Variants in PACRG observed in about 807,000 individuals in gnomAD.
The protein encoded by PACRG is parkin coregulated gene protein.
Under a neutral mutation model 29.7 loss-of-function variants are expected in PACRG, and 29 were observed. The observed-to-expected ratio is 0.98, with a 90% CI of 0.73 to 1.33. PACRG has a LOEUF of 1.33. Among genes scored for constraint, PACRG ranks in the 40% most tolerant of loss-of-function variants. The pLI is 0.00. For missense variants in PACRG, 279 were observed against 316.2 expected (o/e 0.88, Z 0.89); for synonymous variants, 116 against 118.7 (o/e 0.98, Z 0.15).
chr6:162,863,302 G>A (rs186357250), intron 2 of PACRG, among the ~76,000 whole-genome samples: 3 of 152,276 alleles, frequency 2.0e-5, no homozygotes, highest in Admixed American at 1.3e-4. Flanking sequence ...CAGAGAGTTG[G>A]GCTAGGAAAC....
intron 2 of PACRG, among the ~76,000 whole-genome samples, chr6:162,947,329 TAATC>T (rs1799113262): frequency 3.0e-5 from 1 of 33,676 alleles, no homozygotes; most frequent in African/African-American, 7.5e-5. Flanking sequence ...ATAATACATA[TAATC>T]ATATATATAA....
chr6:163,055,156 G>C lies in PACRG; in HGVS notation c.292-6994G>C, dbSNP rs986732752. Among the ~76,000 whole-genome samples, 66 of 152,302 alleles carry C rather than the reference G, an allele frequency of 4.3e-4. No homozygotes were observed. The highest frequency in any genetic ancestry group is 1.6e-3 in the African/African-American group (65 of 41,572). ...GACAGTGATGATAAAGAATTCTCTTGAAAAACTTTACTATGAAGAATAATG... is the reference window on the plus strand; with the variant it reads ...GACAGTGATGATAAAGAATTCTCTTCAAAAACTTTACTATGAAGAATAATG... On this transcript the variant is annotated intron_variant, in intron 2 of 4. Coordinates refer to ENST00000366888, the MANE Select transcript of PACRG (RefSeq NM_001080379.2). The surrounding 1 kb of genome is among the most constrained non-coding windows in gnomAD (Gnocchi z 4.0).
At chr6:163,153,563 T>G (rs1231861333) in intron 4 of PACRG, among the ~76,000 whole-genome samples, 1 of 152,256 alleles carries the variant, frequency 6.6e-6, no homozygotes, top group Non-Finnish European at 1.5e-5. Context: ...AAAGGGGATT[T>G]TTTTTACATT....
chr6:162,781,586 G>A (rs975975144), intron 1 of PACRG, among the ~76,000 whole-genome samples: 7 of 151,452 alleles, frequency 4.6e-5, no homozygotes, highest in African/African-American at 1.2e-4. Flanking sequence ...CATAACATAC[G>A]TAGGATTAAA....
At chr6:162,846,960 T>TCATGCTGACTGCCATGCTCCC (rs1363222709) in intron 2 of PACRG, among the ~76,000 whole-genome samples, 16 of 137,404 alleles carry the variant, frequency 1.2e-4, no homozygotes, top group Non-Finnish European at 2.2e-4. Flanking sequence ...GCCGTGCTCC[T>TCATGCTGACTGCCATGCTCCC]CATGCTGACT....
rs1805177704 is a variant in PACRG, at chr6:163,006,987, C to T, written c.292-55163C>T. 3.3e-5 allele frequency among the ~76,000 whole-genome samples: 5 copies of T among 151,278 alleles called. No individual in the cohort carries two copies. In the South Asian group the frequency reaches 1.0e-3, roughly 32 times the overall value. On this transcript the variant is annotated intron_variant, in intron 2 of 4. Transcript: ENST00000366888. ...TTGTATTTTTATTTGTCCCATGTGT[C>T]CTGGTTCCATGTTTTTCCTTTTGTT... is the stretch of plus-strand genomic sequence containing the variant.
rs577410989 is a variant in PACRG, at chr6:162,878,806, G to T, written c.291+64525G>T. Among the ~76,000 whole-genome samples, 377 of 152,030 alleles carry T rather than the reference G, an allele frequency of 2.5e-3. 1 individual carries two copies. Among genetic ancestry groups the T allele is most frequent in the Non-Finnish European group, 4.2e-3 (283 of 67,898 alleles). The stretch of plus-strand genomic sequence containing the variant: ...ACCGTGATTTGTAGTATGTTAAGAT[G>T]AATGTATATGCATAAGCCCCATGTT... On this transcript the variant is annotated intron_variant, in intron 2 of 4. Coordinates refer to ENST00000366888, the MANE Select transcript of PACRG (RefSeq NM_001080379.2).
intron 4 of PACRG, among the ~76,000 whole-genome samples, chr6:163,181,201 A>G (rs544303918): frequency 6.6e-6 from 1 of 152,290 alleles, no homozygotes; most frequent in Admixed American, 6.5e-5. Context: ...TGACCCTGAA[A>G]CCTACTTGCC....
At chr6:163,162,092 T>G (rs918134249) in intron 4 of PACRG, among the ~76,000 whole-genome samples, 3 of 152,116 alleles carry the variant, frequency 2.0e-5, no homozygotes, top group African/African-American at 7.2e-5. Context: ...GTATGGGGCT[T>G]GCTGGAGCCT....
intron 4 of PACRG, among the ~76,000 whole-genome samples, chr6:163,153,574 G>A (rs1778191477): frequency 6.6e-6 from 1 of 152,054 alleles, no homozygotes; most frequent in African/African-American, 2.4e-5. Flanking sequence ...TTTTTACATT[G>A]GTTTACATCC....
chr6:162,925,313 A>T (rs1797352744), intron 2 of PACRG, among the ~76,000 whole-genome samples: 1 of 152,206 alleles, frequency 6.6e-6, no homozygotes, highest in Admixed American at 6.5e-5. Flanking sequence ...AACTCATTTT[A>T]TGAGGCCAGT....
chr6:162,768,085 G>A (rs1477790906), intron 1 of PACRG, among the ~76,000 whole-genome samples: 2 of 151,940 alleles, frequency 1.3e-5, no homozygotes, highest in East Asian at 3.9e-4. Context: ...CATTATTTTT[G>A]CATCTTATTC....
At chr6:162,958,982 A>T (rs1800379547) in intron 2 of PACRG, among the ~76,000 whole-genome samples, 1 of 145,036 alleles carries the variant, frequency 6.9e-6, no homozygotes, top group Non-Finnish European at 1.5e-5. Flanking sequence ...TAGTGGTGTG[A>T]TCATGGCTCC....
At chr6:162,973,329 A>G (rs1382546941) in intron 2 of PACRG, among the ~76,000 whole-genome samples, 1 of 152,232 alleles carries the variant, frequency 6.6e-6, no homozygotes, top group Non-Finnish European at 1.5e-5. Context: ...CTTGAAAGCC[A>G]GACGATGTGA....
intron 4 of PACRG, among the ~76,000 whole-genome samples, chr6:163,200,349 G>T (rs916497384): frequency 6.6e-6 from 1 of 152,054 alleles, no homozygotes; most frequent in Non-Finnish European, 1.5e-5. Flanking sequence ...CCCAGTGTGG[G>T]CTTATATATA....
chr6:162,910,145 C>T (rs1211217620), intron 2 of PACRG, among the ~76,000 whole-genome samples: 1 of 152,198 alleles, frequency 6.6e-6, no homozygotes, highest in African/African-American at 2.4e-5. Flanking sequence ...TAAGTGTTTA[C>T]TTCTTTAATC....
chr6:163,011,739 G>A (rs1805636264), intron 2 of PACRG, among the ~76,000 whole-genome samples: 1 of 152,054 alleles, frequency 6.6e-6, no homozygotes, highest in African/African-American at 2.4e-5. Flanking sequence ...ACATTATACA[G>A]CTGTACAAAA....
At chr6:162,743,168 ATT>A (rs1000982688) in intron 1 of PACRG, among the ~76,000 whole-genome samples, 5 of 152,112 alleles carry the variant, frequency 3.3e-5, no homozygotes, top group African/African-American at 4.8e-5. Flanking sequence ...TGAATGTCTT[ATT>A]TTGACAAATG....
At chr6:163,159,625 TTACA>T (rs1292325488) in intron 4 of PACRG, among the ~76,000 whole-genome samples, 1 of 152,118 alleles carries the variant, frequency 6.6e-6, no homozygotes, top group Non-Finnish European at 1.5e-5. Flanking sequence ...GGTAAGTTCT[TTACA>T]TACATTATCT....
Sources: gnomAD v4.1 joint callset for allele counts (sites outside exome capture counted in the v4.1 genomes callset) on GRCh38, gnomAD v4.1.1 for gene constraint, Gnocchi (gnomAD v3.1) non-coding constraint, MANE v1.5 for transcripts, NCBI Gene and HGNC (gene_info 2026-07-23, HGNC 2026-07-21) for gene names.